The following MAPK10 variants were observed in gnomAD, a reference collection of about 807,000 sequenced individuals.
MAPK10 encodes JNK3 alpha protein kinase.
A neutral mutation model predicts 59.3 loss-of-function variants in MAPK10; 25 were observed. That is an observed-to-expected ratio of 0.42 (90% CI 0.31 to 0.59). The LOEUF (loss-of-function observed/expected upper bound fraction) is 0.59. Among genes scored for constraint, MAPK10 ranks in the 20% least tolerant of loss-of-function variants. The pLI, the probability that MAPK10 is intolerant of heterozygous loss-of-function variation, is 0.15. For missense variants in MAPK10, 351 were observed against 568.9 expected (o/e 0.62, Z 3.90); for synonymous variants, 190 against 200.5 (o/e 0.95, Z 0.44).
intron 3 of MAPK10, among the ~76,000 whole-genome samples, chr4:86,185,239 C>T (rs2149293398): frequency 6.6e-6 from 1 of 152,190 alleles, no homozygotes; most frequent in East Asian, 1.9e-4. Context: ...TCCAGACCAG[C>T]AACATATATA....
At chr4:86,493,624 C>A (rs1271736532) in intron 1 of MAPK10, among the ~76,000 whole-genome samples, 4 of 152,138 alleles carry the variant, frequency 2.6e-5, no homozygotes, top group African/African-American at 9.7e-5. Flanking sequence ...CTCACCCTCC[C>A]CCTTCACTCC....
At chr4:86,422,007 C>G (rs182169973) in intron 1 of MAPK10, among the ~76,000 whole-genome samples, 1 of 152,256 alleles carries the variant, frequency 6.6e-6, no homozygotes, top group East Asian at 1.9e-4. Flanking sequence ...TCCCAAATAC[C>G]AATTCCTCAG....
At chr4:86,562,586 T>C (rs982475043) in intron 1 of MAPK10, among the ~76,000 whole-genome samples, 1 of 151,630 alleles carries the variant, frequency 6.6e-6, no homozygotes, top group Admixed American at 6.6e-5. Context: ...TCCCAGCTAC[T>C]TGGGAGGTTG....
At chr4:86,408,311 T>C (rs112863622) in intron 1 of MAPK10, among the ~76,000 whole-genome samples, 26,749 of 152,070 alleles carry the variant, frequency 0.18, 2,477 homozygotes, top group South Asian at 0.28. Flanking sequence ...TGATGGACAT[T>C]TGGGTTGGTT....
intron 1 of MAPK10, among the ~76,000 whole-genome samples, chr4:86,532,102 A>G (rs865982077): frequency 6.8e-6 from 1 of 147,806 alleles, no homozygotes. Context: ...ATACATACAT[A>G]TATATATAAT....
At chr4:86,230,898 C>T (rs1025472671) in intron 2 of MAPK10, among the ~76,000 whole-genome samples, 1 of 152,016 alleles carries the variant, frequency 6.6e-6, no homozygotes, top group Non-Finnish European at 1.5e-5. Flanking sequence ...CCTTTTTTAT[C>T]TGCTTAGATA....
chr4:86,463,250 T>C (rs1200699736), intron 1 of MAPK10, among the ~76,000 whole-genome samples: 1 of 152,242 alleles, frequency 6.6e-6, no homozygotes, highest in African/African-American at 2.4e-5. Flanking sequence ...GTCATGGATG[T>C]AAAAGATTGT....
rs1743403763 is a variant in MAPK10, at chr4:86,016,592, C to T, written c.*636G>A. The stretch of plus-strand genomic sequence containing the variant: ...TTTACATGTTTTCTTATAAGACATA[C>T]AGTTTAATCAATTAACAAACTAAAC... On this transcript the variant is annotated 3_prime_UTR_variant, in exon 14 of 14. Coordinates refer to ENST00000641462, the MANE Select transcript of MAPK10 (RefSeq NM_138982.4). The T allele has an allele frequency of 6.6e-6, 1 of 152,640 alleles. No individual in the cohort carries two copies. Among genetic ancestry groups the T allele is most frequent in the Non-Finnish European group, 1.5e-5 (1 of 68,128 alleles). The allele number at this position is 152,640 out of a possible 1,614,324, so 9.5% of individuals were successfully genotyped here.
chr4:86,190,189 G>T (rs2079341125), intron 3 of MAPK10, among the ~76,000 whole-genome samples: 3 of 152,102 alleles, frequency 2.0e-5, no homozygotes, highest in African/African-American at 2.4e-5. Context: ...GTTCATCAGG[G>T]ATACTGCCCT....
At chr4:86,353,105 G>A (rs1402889294) in intron 2 of MAPK10, among the ~76,000 whole-genome samples, 7 of 151,994 alleles carry the variant, frequency 4.6e-5, no homozygotes, top group Non-Finnish European at 8.8e-5. Context: ...CTTCCTCTGG[G>A]AAGTCTTCCT....
At chr4:86,106,040 T>C (rs936440353) in intron 5 of MAPK10, among the ~76,000 whole-genome samples, 2 of 152,170 alleles carry the variant, frequency 1.3e-5, no homozygotes, top group Non-Finnish European at 2.9e-5. Flanking sequence ...CAGCAATTTG[T>C]CTGTTTTCTT....
chr4:86,029,191 G>T lies in MAPK10; in HGVS notation c.1252+6C>A. ...AGTTTATTGGTTATTCACGGAGAGT[G>T]AGTACCTGAAGGAGAAGGCTGTCCT... On this transcript the variant is annotated splice_donor_region_variant and intron_variant, in intron 13 of 13. Coordinates refer to ENST00000641462, the MANE Select transcript of MAPK10 (RefSeq NM_138982.4). The T allele has an allele frequency of 6.3e-7, 1 of 1,593,952 alleles. No individual in the cohort carries two copies. The highest frequency in any genetic ancestry group is 8.6e-7 in the Non-Finnish European group (1 of 1,162,268).
intron 11 of MAPK10, among the ~76,000 whole-genome samples, chr4:86,061,806 C>T (rs1203052304): frequency 6.6e-6 from 1 of 152,080 alleles, no homozygotes; most frequent in Non-Finnish European, 1.5e-5. Context: ...TACTTGAAAG[C>T]TCTTTGATCA....
rs1747336834 is a variant in MAPK10 at position 86,426,768 on chromosome 4, T to A, written c.-122+26262A>T. Among the ~76,000 whole-genome samples, 5 of 152,236 alleles carry A rather than the reference T, an allele frequency of 3.3e-5. No homozygotes were observed. In the South Asian group the frequency reaches 1.0e-3, roughly 32 times the overall value. On this transcript the variant is annotated intron_variant, in intron 1 of 13. Coordinates refer to the MAPK10 transcript ENST00000361569. Reference sequence around the variant, plus strand: ...GTCATTTTACCTAGTTTAGCCTGAATTTGCCCATCTTTAAAATAGAAATAA... The same window carrying A: ...GTCATTTTACCTAGTTTAGCCTGAAATTGCCCATCTTTAAAATAGAAATAA...
chr4:86,214,511 TAAAAAAAAAAA>T (rs70948783), intron 2 of MAPK10, among the ~76,000 whole-genome samples: 7 of 75,974 alleles, frequency 9.2e-5, no homozygotes, highest in Non-Finnish European at 1.8e-4. Context: ...TAAGATTCCT[TAAAAAAAAAAA>T]AAAAAAAAAA....
intron 1 of MAPK10, among the ~76,000 whole-genome samples, chr4:86,580,629 G>A (rs1489868664): frequency 6.6e-6 from 1 of 152,012 alleles, no homozygotes; most frequent in Non-Finnish European, 1.5e-5. Context: ...AAAAAATCCT[G>A]AGATAGTCAA....
intron 3 of MAPK10, among the ~76,000 whole-genome samples, chr4:86,179,157 G>A (rs924057381): frequency 1.3e-5 from 2 of 151,830 alleles, no homozygotes; most frequent in Non-Finnish European, 2.9e-5. Flanking sequence ...AGCCAAGATC[G>A]TACCACTGCA....
At chr4:86,306,346 T>C (rs1476991582) in intron 2 of MAPK10, among the ~76,000 whole-genome samples, 3 of 152,256 alleles carry the variant, frequency 2.0e-5, no homozygotes, top group African/African-American at 7.2e-5. Context: ...TGGCCTCTAC[T>C]GTACATTCCA....
chr4:86,561,109 T>C (rs1760644357), intron 1 of MAPK10, among the ~76,000 whole-genome samples: 1 of 152,174 alleles, frequency 6.6e-6, no homozygotes, highest in Non-Finnish European at 1.5e-5. Context: ...CTAAGGAGTG[T>C]ACAACCTAGA....
Sources: allele counts gnomAD v4.1 joint callset (sites outside exome capture counted in the v4.1 genomes callset), GRCh38; gene constraint gnomAD v4.1.1; transcripts MANE v1.5; gene names NCBI Gene and HGNC (gene_info 2026-07-23, HGNC 2026-07-21).